Variants in COL4A3 observed in about 807,000 individuals in gnomAD.
COL4A3 encodes collagen alpha-3(IV) chain.
Under a neutral mutation model 217.4 loss-of-function variants are expected in COL4A3, and 135 were observed. The ratio of observed to expected loss-of-function variants is 0.62; its 90% CI spans 0.54 to 0.72. The LOEUF (loss-of-function observed/expected upper bound fraction) is 0.72, where lower values mean the gene tolerates loss of function less well. Among genes scored for constraint, COL4A3 ranks in the 30% least tolerant of loss-of-function variants. The pLI is 0.00. For missense variants in COL4A3, 1,868 were observed against 2,119.9 expected (o/e 0.88, Z 2.33); for synonymous variants, 690 against 736.3 (o/e 0.94, Z 1.02).
At chr2:227,177,742 G>A (rs2065730439) in intron 1 of COL4A3, among the ~76,000 whole-genome samples, 1 of 152,134 alleles carries the variant, frequency 6.6e-6, no homozygotes, top group Non-Finnish European at 1.5e-5. Flanking sequence ...CCGTCCTGCT[G>A]TGTCCCACTG....
intron 28 of COL4A3, among the ~76,000 whole-genome samples, chr2:227,278,111 A>G (rs2106136145): frequency 7.6e-6 from 1 of 131,076 alleles, no homozygotes; most frequent in Middle Eastern, 3.7e-3. Context: ...TGCACATTTC[A>G]CATGTATACA....
chr2:227,168,604 C>T (rs994935081), intron 1 of COL4A3, among the ~76,000 whole-genome samples: 23 of 152,118 alleles, frequency 1.5e-4, no homozygotes, highest in African/African-American at 4.6e-4. Flanking sequence ...GTTATTGGTG[C>T]CTTAATGTAT....
At position 227,164,832 on chromosome 2, in the gene COL4A3, AC is replaced by A; in HGVS notation, c.87+24del. 3.3e-6 allele frequency: 5 copies of A among 1,492,940 alleles called. No individual in the cohort carries two copies. The highest frequency in any genetic ancestry group is 1.5e-5 in the African/African-American group (1 of 68,064). 92.5% of individuals were successfully genotyped at this position (1,492,940 alleles called of 1,614,324 possible). On this transcript the variant is annotated intron_variant, in intron 1 of 51. Coordinates refer to ENST00000396578, the MANE Select transcript of COL4A3 (RefSeq NM_000091.5). The surrounding 1 kb of genome is among the most constrained non-coding windows in gnomAD (Gnocchi z 4.8). ...CAGCAAGGTGAGTGGGGGCTGCGCG[AC>A]CCCCACCCCCGCACTTCCATCCCTC...
chr2:227,309,335 C>A lies in COL4A3; in HGVS notation c.4755+17C>A. 1 of 1,593,056 alleles carries A rather than the reference C, an allele frequency of 6.3e-7. No individual in the cohort carries two copies. Among genetic ancestry groups the A allele is most frequent in the Non-Finnish European group, 8.6e-7 (1 of 1,162,406 alleles). On this transcript the variant is annotated intron_variant, in intron 50 of 51. Coordinates refer to ENST00000396578, the MANE Select transcript of COL4A3 (RefSeq NM_000091.5). The stretch of plus-strand genomic sequence containing the variant: ...TTCATCATGGTGAGGAGAAAAGGAA[C>A]AGGAGGTTTAGGGTAAAGACTACCT...
At position 227,216,736 on chromosome 2, in the gene COL4A3, A is replaced by G. The variant is rs145708575; in HGVS notation, c.88-21232A>G. Among the ~76,000 whole-genome samples, 610 of 152,342 alleles carry G rather than the reference A, an allele frequency of 4.0e-3. 1 individual carries two copies. The highest frequency in any genetic ancestry group is 0.027 in the Middle Eastern group (8 of 294). ...AACAAATATTTCTTAAGTATCAGTT[A>G]TGTACCAAGAATCCCTTAGGGCCCA... On this transcript the variant is annotated intron_variant, in intron 1 of 51. Coordinates refer to ENST00000396578, the MANE Select transcript of COL4A3 (RefSeq NM_000091.5).
intron 1 of COL4A3, among the ~76,000 whole-genome samples, chr2:227,225,136 G>T (rs908810573): frequency 6.6e-6 from 1 of 152,158 alleles, no homozygotes; most frequent in Non-Finnish European, 1.5e-5. Context: ...CAACCCCTGG[G>T]CTCAAGTAAT....
intron 1 of COL4A3, among the ~76,000 whole-genome samples, chr2:227,226,695 C>G (rs772110234): frequency 9.2e-5 from 14 of 152,338 alleles, no homozygotes; most frequent in Non-Finnish European, 1.9e-4. Flanking sequence ...GCCTTGAACT[C>G]CTGACCTCAG....
At chr2:227,244,268 GT>G (rs1284042301) in intron 3 of COL4A3, 51 bp from the exon 4 acceptor site, 5 of 1,540,722 alleles carry the variant, frequency 3.2e-6, no homozygotes, top group Admixed American at 1.7e-5. Context: ...GGGTTTCTTA[GT>G]GCCAAATAAT....
intron 1 of COL4A3, chr2:227,222,599 A>G (rs757892930): frequency 2.0e-5 from 3 of 152,246 alleles, no homozygotes; most frequent in Non-Finnish European, 4.4e-5. Context: ...GGTACGTGTT[A>G]TAAGTCAGTT....
chr2:227,311,587 C>T (rs2073742976), intron 51 of COL4A3, among the ~76,000 whole-genome samples, 199 bp from the exon 52 acceptor site: 1 of 152,066 alleles, frequency 6.6e-6, no homozygotes, highest in African/African-American at 2.4e-5. Context: ...ACCATGTTGG[C>T]CGCTGGTCTG....
rs1029001973 is a variant in COL4A3 at position 227,191,050 on chromosome 2, G to T, written c.87+26237G>T. ...AATTTTTTAAAAAATAGATGCAAAG[G>T]TTATTATATATGAAATTTTATGTCT... On this transcript the variant is annotated intron_variant, in intron 1 of 51. Transcript: ENST00000396578. The surrounding 1 kb of genome is among the most constrained non-coding windows in gnomAD (Gnocchi z 6.8). Among the ~76,000 whole-genome samples the T allele has an allele frequency of 1.3e-5, 2 of 150,674 alleles. No individual in the cohort carries two copies. The highest frequency in any genetic ancestry group is 2.9e-5 in the Non-Finnish European group (2 of 68,004).
At chr2:227,271,178 T>G (rs1307509137) in intron 25 of COL4A3, among the ~76,000 whole-genome samples, 2 of 152,152 alleles carry the variant, frequency 1.3e-5, no homozygotes, top group African/African-American at 4.8e-5. Context: ...AATTCTACAT[T>G]GATAATGACC....
At chr2:227,242,531 C>G (rs6436667) in intron 3 of COL4A3, among the ~76,000 whole-genome samples, 118,613 of 152,066 alleles carry the variant, frequency 0.78, 46,910 homozygotes, top group East Asian at 0.91. Flanking sequence ...AGCTGGAGCT[C>G]AAAGTTTCAA....
In COL4A3 at chr2:227,311,918, G is replaced by C. The variant is rs2073757197; in HGVS notation, c.*48G>C. 2 of 1,610,244 alleles carry C rather than the reference G, an allele frequency of 1.2e-6. No homozygotes were observed. Among genetic ancestry groups the C allele is most frequent in the Non-Finnish European group, 1.7e-6 (2 of 1,177,822 alleles). ...GCTATTTTTCATCCTAAAGAACAAA[G>C]TAATGACAGAACATGCTGTTATTTA... On this transcript the variant is annotated 3_prime_UTR_variant, in exon 52 of 52. Transcript: ENST00000396578.
chr2:227,310,218 T>C (rs1170149955), intron 50 of COL4A3, among the ~76,000 whole-genome samples: 1 of 152,218 alleles, frequency 6.6e-6, no homozygotes, highest in African/African-American at 2.4e-5. Context: ...GGATTGGCCA[T>C]GTGTGACTGT....
At chr2:227,230,259 A>G (rs901172347) in intron 1 of COL4A3, among the ~76,000 whole-genome samples, 2 of 152,190 alleles carry the variant, frequency 1.3e-5, no homozygotes, top group Non-Finnish European at 2.9e-5. Flanking sequence ...GCAACTGTGA[A>G]AAAGAATGAT....
intron 26 of COL4A3, among the ~76,000 whole-genome samples, chr2:227,274,918 T>C (rs929228073): frequency 1.3e-5 from 2 of 152,162 alleles, no homozygotes; most frequent in Non-Finnish European, 2.9e-5. Flanking sequence ...CATTTTCAAA[T>C]GATTGAAAAA....
chr2:227,224,834 GATGAACTGTCTTTTTATTGCTCTGA>G (rs1229743103), intron 1 of COL4A3, among the ~76,000 whole-genome samples: 1 of 152,106 alleles, frequency 6.6e-6, no homozygotes, highest in African/African-American at 2.4e-5. Context: ...CTATTTTTGA[GATGAACTGTCTTTTTATTGCTCTGA>G]ATGAATTTTC....
intron 11 of COL4A3, among the ~76,000 whole-genome samples, chr2:227,252,946 C>T (rs1043243103): frequency 6.6e-6 from 1 of 152,100 alleles, no homozygotes; most frequent in African/African-American, 2.4e-5. Flanking sequence ...ATTTTTAAAA[C>T]AAGAAAACAA....
Sources: allele counts gnomAD v4.1 joint callset (sites outside exome capture counted in the v4.1 genomes callset), GRCh38; gene constraint gnomAD v4.1.1; non-coding constraint Gnocchi (gnomAD v3.1); transcripts MANE v1.5; gene names NCBI Gene and HGNC (gene_info 2026-07-23, HGNC 2026-07-21).